The following SLC35B3 variants were observed in gnomAD, a reference collection of about 807,000 sequenced individuals.
The protein encoded by SLC35B3 is solute carrier family 35 member B3, also known as adenosine 3'-phospho 5'-phosphosulfate transporter 2.
In SLC35B3, 35 loss-of-function variants were observed where a neutral mutation model predicts 44.1. The ratio of observed to expected loss-of-function variants is 0.79; its 90% confidence interval spans 0.61 to 1.05. The LOEUF (loss-of-function observed/expected upper bound fraction) is 1.05, where lower values mean the gene tolerates loss of function less well. SLC35B3 is among the 50% of genes least tolerant of loss of function. The pLI is 0.00. For missense variants in SLC35B3, 414 were observed against 476.4 expected, an observed-to-expected ratio of 0.87 and a Z score of 1.22; for synonymous variants, 146 against 167.3, an observed-to-expected ratio of 0.87 and a Z score of 0.98.
At chr6:8,429,836 A>G (rs1763789477) in intron 3 of SLC35B3, 28 bp downstream of exon 2, 1 of 1,445,432 alleles carries the variant, frequency 6.9e-7, no homozygotes, top group African/African-American at 1.4e-5. Context: ...TAAATAATTA[A>G]CATATTACAA....
rs1764209246 is a variant in SLC35B3, at chr6:8,433,707, C to A, written c.3+678G>T. 6.6e-6 allele frequency among the ~76,000 whole-genome samples: 1 copy of A among 152,168 alleles called. No individual in the cohort carries two copies. The highest frequency in any genetic ancestry group is 2.4e-5 in the African/African-American group (1 of 41,436). ...GAACATGAAAATAAATTTGTTTCCTCTGCCTGAGGCATCAGTCTCATAAAA... is the reference window on the plus strand; with the variant it reads ...GAACATGAAAATAAATTTGTTTCCTATGCCTGAGGCATCAGTCTCATAAAA... On this transcript the variant is annotated intron_variant, in intron 2 of 10. Coordinates refer to ENST00000644923, the MANE Select transcript of SLC35B3 (RefSeq NM_001370476.2). This position sits in a 1 kb window ranked among gnomAD's most constrained non-coding sequence, Gnocchi z 4.1.
chr6:8,413,181 G>A lies in SLC35B3; in HGVS notation c.*368C>T, dbSNP rs1762115899. 1 of 162,998 alleles carries A rather than the reference G, an allele frequency of 6.1e-6. No individual in the cohort carries two copies. Among genetic ancestry groups the A allele is most frequent in the Non-Finnish European group, 1.3e-5 (1 of 75,466 alleles). 10.1% of individuals were successfully genotyped at this position (162,998 alleles called of 1,614,324 possible). A position where few individuals can be genotyped will look rare whatever the true frequency, so the allele number is the denominator to read the frequency against. ...TCAATTTAAATAACACCATCAAAATGGAATGAATATAAAACAATCTGCTAT... is the reference window on the plus strand; with the variant it reads ...TCAATTTAAATAACACCATCAAAATAGAATGAATATAAAACAATCTGCTAT... On this transcript the variant is annotated 3_prime_UTR_variant, in exon 11 of 11. Transcript: ENST00000644923.
At position 8,432,362 on chromosome 6, in the gene SLC35B3, CTT is replaced by C. The variant is rs1561767031; in HGVS notation, c.3+2021_3+2022del. 6.6e-6 allele frequency among the ~76,000 whole-genome samples: 1 copy of C among 151,882 alleles called. No homozygotes were observed. The highest frequency in any genetic ancestry group is 2.4e-5 in the African/African-American group (1 of 41,334). On this transcript the variant is annotated intron_variant, in intron 2 of 10. Coordinates refer to ENST00000644923, the MANE Select transcript of SLC35B3 (RefSeq NM_001370476.2). This position sits in a 1 kb window ranked among gnomAD's most constrained non-coding sequence, Gnocchi z 4.8. ...AATAAATAAAACTTCTAGAAAATAT[CTT>C]TCTTTCCTGCTTTTATTGGCATCAA...
chr6:8,431,396 TAG>T (rs1384351543), intron 2 of SLC35B3, among the ~76,000 whole-genome samples: 1 of 152,150 alleles, frequency 6.6e-6, no homozygotes, highest in Admixed American at 6.5e-5. Flanking sequence ...TGGCCAAAAT[TAG>T]AGTCGCCTCT....
intron 3 of SLC35B3, among the ~76,000 whole-genome samples, chr6:8,429,384 A>G (rs879453892): frequency 3.3e-5 from 5 of 152,214 alleles, no homozygotes; most frequent in Non-Finnish European, 5.9e-5. Context: ...GACAAAACCA[A>G]TAAGAATGAG....
rs1279828225 is a variant in SLC35B3 at position 8,420,409 on chromosome 6, T to C, written c.682+312A>G. Among the ~76,000 whole-genome samples the C allele has an allele frequency of 3.9e-5, 6 of 152,138 alleles. No homozygotes were observed. Among genetic ancestry groups the C allele is most frequent in the African/African-American group, 1.4e-4 (6 of 41,392 alleles). On this transcript the variant is annotated intron_variant, in intron 6 of 10. Coordinates refer to ENST00000644923, the MANE Select transcript of SLC35B3 (RefSeq NM_001370476.2). This position sits in a 1 kb window ranked among gnomAD's most constrained non-coding sequence, Gnocchi z 4.4. ...TCACAAAAACAATTATTTGTTCATA[T>C]TCATTTTTGAATAACGTAATACTGA...
chr6:8,425,815 G>A (rs1413616036), intron 4 of SLC35B3, among the ~76,000 whole-genome samples: 9 of 152,182 alleles, frequency 5.9e-5, no homozygotes, highest in South Asian at 2.1e-4. Context: ...ATTAGGGTAC[G>A]ACAGAAGGAG....
chr6:8,435,115 G>A lies in SLC35B3; in HGVS notation c.-44+228C>T, dbSNP rs751178042. The A allele has an allele frequency of 5.6e-6, 7 of 1,255,850 alleles. No homozygotes were observed. Among genetic ancestry groups the A allele is most frequent in the Non-Finnish European group, 7.2e-6 (7 of 972,648 alleles). 77.8% of individuals were successfully genotyped at this position (1,255,850 alleles called of 1,614,324 possible). A position where few individuals can be genotyped will look rare whatever the true frequency, so the allele number is the denominator to read the frequency against. On this transcript the variant is annotated intron_variant, in intron 1 of 10. Coordinates refer to ENST00000644923, the MANE Select transcript of SLC35B3 (RefSeq NM_001370476.2). The surrounding 1 kb of genome is among the most constrained non-coding windows in gnomAD (Gnocchi z 5.5). ...CGGATTGGGACCTGAGGGAGTTCTC[G>A]CCAGCCCGAGGGCGAAAAACGGGCG...
At position 8,434,135 on chromosome 6, in the gene SLC35B3, A is replaced by T. The variant is rs1458094732; in HGVS notation, c.3+250T>A. On this transcript the variant is annotated intron_variant, in intron 2 of 10. Coordinates refer to ENST00000644923, the MANE Select transcript of SLC35B3 (RefSeq NM_001370476.2). The surrounding 1 kb of genome is among the most constrained non-coding windows in gnomAD (Gnocchi z 6.3). ...TCAACTTCAACTGCTAAAATGGAAT[A>T]AAAAGGTAGCATTTCCGGCATACAA... 1.3e-5 allele frequency among the ~76,000 whole-genome samples: 2 copies of T among 151,946 alleles called. No homozygotes were observed. Among genetic ancestry groups the T allele is most frequent in the African/African-American group, 4.8e-5 (2 of 41,366 alleles).
intron 2 of SLC35B3, among the ~76,000 whole-genome samples, chr6:8,431,750 C>CT (rs1224733933): frequency 2.0e-5 from 3 of 152,100 alleles, no homozygotes; most frequent in African/African-American, 7.2e-5. Flanking sequence ...TTGGTCAAAC[C>CT]TGTGCTTGAA....
In SLC35B3 at chr6:8,429,906, A is replaced by G; in HGVS notation, c.255T>C (p.Val85=). 6.2e-7 allele frequency: 1 copy of G among 1,607,366 alleles called. No individual in the cohort carries two copies. The highest frequency in any genetic ancestry group is 1.1e-5 in the South Asian group (1 of 89,798). Residue 85 remains valine, a synonymous_variant, in exon 3 of 11, where the codon GTT becomes GTC. Transcript: ENST00000644923. ...TTAGGTAAAATACAAAAACTCCAGCAACACATATGAAAAACTGAGTAAGTT... is the reference window on the plus strand; with the variant it reads ...TTAGGTAAAATACAAAAACTCCAGCGACACATATGAAAAACTGAGTAAGTT...
In SLC35B3 at chr6:8,413,292, C is replaced by T. The variant is rs1762122092; in HGVS notation, c.*257G>A. 3.0e-6 allele frequency: 1 copy of T among 328,804 alleles called. No individual in the cohort carries two copies. Among genetic ancestry groups the T allele is most frequent in the African/African-American group, 2.2e-5 (1 of 46,100 alleles). The allele number at this position is 328,804 out of a possible 1,614,324, so 20.4% of individuals were successfully genotyped here. A position where few individuals can be genotyped will look rare whatever the true frequency, so the allele number is the denominator to read the frequency against. ...CATTTCCAGTGAAATTCTCAATAAA[C>T]TGCTAGGAATTACAGTCCTTCATAT... On this transcript the variant is annotated 3_prime_UTR_variant, in exon 11 of 11. Coordinates refer to ENST00000644923, the MANE Select transcript of SLC35B3 (RefSeq NM_001370476.2).
rs1287601141 is a variant in SLC35B3 at position 8,432,611 on chromosome 6, T to C, written c.3+1774A>G. Among the ~76,000 whole-genome samples the C allele has an allele frequency of 6.6e-6, 1 of 152,112 alleles. No homozygotes were observed. Among genetic ancestry groups the C allele is most frequent in the Non-Finnish European group, 1.5e-5 (1 of 68,012 alleles). ...TAGCTGAGGAGCCTTGGGCAAATCGTTTAACTTTTCTGAGCTTTAGGTTCT... is the reference window on the plus strand; with the variant it reads ...TAGCTGAGGAGCCTTGGGCAAATCGCTTAACTTTTCTGAGCTTTAGGTTCT... On this transcript the variant is annotated intron_variant, in intron 2 of 10. Transcript: ENST00000644923. This position sits in a 1 kb window ranked among gnomAD's most constrained non-coding sequence, Gnocchi z 4.8.
intron 2 of SLC35B3, 125 bp from the exon 2 acceptor site, chr6:8,430,282 C>T (rs540378384): frequency 5.8e-6 from 5 of 865,876 alleles, no homozygotes; most frequent in East Asian, 2.8e-5. Context: ...TATATTAATT[C>T]CTGTATTCTA....
At chr6:8,428,120 A>G in intron 3 of SLC35B3, 62 bp from the exon 3 acceptor site, 1 of 1,354,078 alleles carries the variant, frequency 7.4e-7, no homozygotes, top group Non-Finnish European at 9.6e-7. Context: ...CTAAAAATAA[A>G]TTCTTAGAAA....
At chr6:8,431,589 C>G (rs1763990655) in intron 2 of SLC35B3, among the ~76,000 whole-genome samples, 1 of 152,124 alleles carries the variant, frequency 6.6e-6, no homozygotes, top group Non-Finnish European at 1.5e-5. Flanking sequence ...TACTGTGTTC[C>G]TCTTGTTTAT....
intron 9 of SLC35B3, among the ~76,000 whole-genome samples, chr6:8,416,239 T>A (rs1341388968): frequency 2.6e-5 from 4 of 152,174 alleles, no homozygotes; most frequent in African/African-American, 9.7e-5. Context: ...TTCTTTTACG[T>A]GAGAGAGGAA....
rs1218411272 is a variant in SLC35B3, at chr6:8,435,498, C to G, written c.-199G>C. 7.2e-6 allele frequency: 6 copies of G among 830,958 alleles called. No homozygotes were observed. The highest frequency in any genetic ancestry group is 8.4e-6 in the Non-Finnish European group (5 of 595,140). The allele number at this position is 830,958 out of a possible 1,614,324, so 51.5% of individuals were successfully genotyped here. A position where few individuals can be genotyped will look rare whatever the true frequency, so the allele number is the denominator to read the frequency against. On this transcript the variant is annotated 5_prime_UTR_variant, in exon 1 of 11. Coordinates refer to ENST00000644923, the MANE Select transcript of SLC35B3 (RefSeq NM_001370476.2). This position sits in a 1 kb window ranked among gnomAD's most constrained non-coding sequence, Gnocchi z 5.5. ...CTTTCCACCGCGGCGGTCGCCTCCC[C>G]GGAAAGCACTCTCAACTCCGGCGCC...
At chr6:8,424,025 G>A (rs1763182457) in intron 4 of SLC35B3, among the ~76,000 whole-genome samples, 1 of 152,146 alleles carries the variant, frequency 6.6e-6, no homozygotes, top group Non-Finnish European at 1.5e-5. Flanking sequence ...AGAATTACAA[G>A]GAATGAGTAG....
Sources: gnomAD v4.1 joint callset for allele counts (sites outside exome capture counted in the v4.1 genomes callset) on GRCh38, gnomAD v4.1.1 for gene constraint, Gnocchi (gnomAD v3.1) non-coding constraint, MANE v1.5 for transcripts, NCBI Gene and HGNC (gene_info 2026-07-23, HGNC 2026-07-21) for gene names.